ASS1: variants seen among roughly 807,000 people sequenced by gnomAD.
The protein encoded by ASS1 is argininosuccinate synthase 1.
ASS1 carries 58 observed loss-of-function variants against 60.5 expected under a neutral mutation model. The ratio of observed to expected loss-of-function variants is 0.96; its 90% CI spans 0.78 to 1.19. ASS1 has a LOEUF of 1.19. Among genes scored for constraint, ASS1 ranks in the 50% most tolerant of loss-of-function variants. The pLI is 0.00. For missense variants in ASS1, 454 were observed against 547.3 expected (o/e 0.83, Z 1.70); for synonymous variants, 200 against 206.9 (o/e 0.97, Z 0.29).
intron 4 of ASS1, 141 bp downstream of exon 4, chr9:130,458,730 C>A: frequency 8.3e-7 from 1 of 1,204,402 alleles, no homozygotes; most frequent in Middle Eastern, 2.8e-4. Context: ...TGTTTAGACC[C>A]CAATGAGAGG....
In ASS1 at chr9:130,477,948, G is replaced by A. The variant is rs994018966; in HGVS notation, c.688+987G>A. On this transcript the variant is annotated intron_variant, in intron 9 of 14. Transcript: ENST00000352480. This position sits in a 1 kb window ranked among gnomAD's most constrained non-coding sequence, Gnocchi z 4.2. ...GGATAGGGTGGGGAAGCCTCAGGCC[G>A]GTGGGGAGGCAGAGCTGCAGATCCC... Among the ~76,000 whole-genome samples, 3 of 152,044 alleles carry A rather than the reference G, an allele frequency of 2.0e-5. No individual in the cohort carries two copies. The highest frequency in any genetic ancestry group is 4.1e-4 in the South Asian group (2 of 4,822).
At chr9:130,482,520 C>G (rs1016521984) in intron 11 of ASS1, among the ~76,000 whole-genome samples, 1 of 151,716 alleles carries the variant, frequency 6.6e-6, no homozygotes, top group African/African-American at 2.4e-5. Flanking sequence ...AAGTGTATTG[C>G]CTTCCCTATT....
At position 130,458,656 on chromosome 9, in the gene ASS1, A is replaced by C. The variant is rs187987171; in HGVS notation, c.363+67A>C. ...GGAGGGGTGTGGGAAGGAGATGAGC[A>C]CCCCTCGAGCGGTTTCCTGGTGTGC... On this transcript the variant is annotated intron_variant, in intron 4 of 14. Coordinates refer to ENST00000352480, the MANE Select transcript of ASS1 (RefSeq NM_054012.4). The C allele has an allele frequency of 4.6e-3, 7,120 of 1,562,424 alleles. 25 individuals are homozygous for C. The highest frequency in any genetic ancestry group is 5.6e-3 in the Non-Finnish European group (6,423 of 1,152,526).
At chr9:130,471,628 C>A in intron 8 of ASS1, 113 bp downstream of exon 8, 2 of 1,359,448 alleles carry the variant, frequency 1.5e-6, no homozygotes, top group South Asian at 2.4e-5. Flanking sequence ...GGGGGCCAGC[C>A]GTGGGGCTGG....
rs781033455 is a variant in ASS1, at chr9:130,447,085, G to A, written c.-6+2090G>A. On this transcript the variant is annotated intron_variant, in intron 1 of 14. Coordinates refer to ENST00000352480, the MANE Select transcript of ASS1 (RefSeq NM_054012.4). ...TTGCAGGGGAATCTTCCACGGGGCA[G>A]TAGGCCTGAGCTATAGCACACAGGC... Among the ~76,000 whole-genome samples, 8 of 152,382 alleles carry A rather than the reference G, an allele frequency of 5.2e-5. No homozygotes were observed. In the South Asian group the frequency reaches 1.7e-3, roughly 32 times the overall value.
chr9:130,474,074 C>G lies in ASS1; in HGVS notation c.597+2559C>G, dbSNP rs77170031. ...TTCCCTCCCCCGCACCCCCCCCCCC[C>G]CACAGATGACATTGGAAGTGAGCCC... On this transcript the variant is annotated intron_variant, in intron 8 of 14. Transcript: ENST00000352480. Among the ~76,000 whole-genome samples, 4 of 100,058 alleles carry G rather than the reference C, an allele frequency of 4.0e-5. 1 individual carries two copies. The highest frequency in any genetic ancestry group is 7.5e-5 in the African/African-American group (2 of 26,748). 65.6% of individuals were successfully genotyped at this position (100,058 alleles called of 152,430 possible).
At chr9:130,457,470 C>G (rs954704001) in intron 3 of ASS1, among the ~76,000 whole-genome samples, 8 of 151,286 alleles carry the variant, frequency 5.3e-5, no homozygotes, top group Admixed American at 4.6e-4. Flanking sequence ...GACCCTGTCT[C>G]AAAAAAACAA....
In ASS1 at chr9:130,498,711, G is replaced by A. The variant is rs565511485; in HGVS notation, c.1128-794G>A. Among the ~76,000 whole-genome samples the A allele has an allele frequency of 4.6e-5, 7 of 152,292 alleles. No individual in the cohort carries two copies. In the South Asian group the frequency reaches 6.2e-4, roughly 14 times the overall value. ...TTCACAAGTGCAAGGCTGAGGCTCC[G>A]AGTGCAGGAATACTGGCCTGGGCTC... On this transcript the variant is annotated intron_variant, in intron 13 of 14. Transcript: ENST00000352480.
rs1254028577 is a variant in ASS1 at position 130,499,467 on chromosome 9, G to C, written c.1128-38G>C. ...AGTCCTCCCTTCAAGCAGAGGCCAG[G>C]GCCAGGCTGAGCTGACAAGCTTCTA... is the stretch of plus-strand genomic sequence containing the variant. On this transcript the variant is annotated intron_variant, in intron 13 of 14. Transcript: ENST00000352480. The C allele has an allele frequency of 3.1e-6, 5 of 1,605,254 alleles. No homozygotes were observed. In the Admixed American group the frequency reaches 5.1e-5, roughly 16 times the overall value.
chr9:130,500,503 C>T (rs1180363657), intron 14 of ASS1, among the ~76,000 whole-genome samples: 1 of 152,100 alleles, frequency 6.6e-6, no homozygotes, highest in Non-Finnish European at 1.5e-5. Context: ...GCCCTGGGCA[C>T]AGAGCCATCA....
At chr9:130,490,848 C>T (rs1414952606) in intron 12 of ASS1, among the ~76,000 whole-genome samples, 1 of 152,172 alleles carries the variant, frequency 6.6e-6, no homozygotes, top group East Asian at 1.9e-4. Flanking sequence ...CACCCACCTC[C>T]ATAACATACA....
At chr9:130,499,480 TGAC>T in intron 13 of ASS1, 22 bp from the exon 14 acceptor site, 1 of 1,611,642 alleles carries the variant, frequency 6.2e-7, no homozygotes, top group Non-Finnish European at 8.5e-7. Context: ...CAGGCTGAGC[TGAC>T]AAGCTTCTAC....
At chr9:130,463,162 G>A (rs922230561) in intron 4 of ASS1, among the ~76,000 whole-genome samples, 1 of 152,254 alleles carries the variant, frequency 6.6e-6, no homozygotes, top group Non-Finnish European at 1.5e-5. Context: ...CTGCCTGGCT[G>A]CGCCCATGCA....
intron 10 of ASS1, 56 bp downstream of exon 10, chr9:130,479,856 G>C (rs372860012): frequency 2.6e-6 from 4 of 1,542,926 alleles, no homozygotes; most frequent in Non-Finnish European, 3.6e-6. Context: ...GGGCGAGCAC[G>C]AGCCTGGACC....
intron 4 of ASS1, among the ~76,000 whole-genome samples, chr9:130,462,171 G>C (rs1845612412): frequency 6.6e-6 from 1 of 152,158 alleles, no homozygotes; most frequent in East Asian, 1.9e-4. Context: ...TTTGGAAGAG[G>C]GGCCTGGAAA....
intron 5 of ASS1, among the ~76,000 whole-genome samples, chr9:130,465,545 A>T (rs995580654): frequency 6.6e-6 from 1 of 152,232 alleles, no homozygotes; most frequent in Non-Finnish European, 1.5e-5. Context: ...GGTGCTCTGA[A>T]TGGCCACCCG....
chr9:130,450,923 C>T (rs527542992), intron 1 of ASS1, among the ~76,000 whole-genome samples: 2 of 152,300 alleles, frequency 1.3e-5, no homozygotes, highest in African/African-American at 4.8e-5. Context: ...ACAAACATGC[C>T]CTGTACATTT....
chr9:130,447,391 C>T (rs937797314), intron 1 of ASS1, among the ~76,000 whole-genome samples: 2 of 152,254 alleles, frequency 1.3e-5, no homozygotes, highest in Non-Finnish European at 2.9e-5. Context: ...AGTAGCCGCT[C>T]TTGTTGTCAT....
Position 130,478,185 on chromosome 9 carries a change from C to T in ASS1, c.688+1224C>T, listed in dbSNP as rs563962254. On this transcript the variant is annotated intron_variant, in intron 9 of 14. Coordinates refer to ENST00000352480, the MANE Select transcript of ASS1 (RefSeq NM_054012.4). This position sits in a 1 kb window ranked among gnomAD's most constrained non-coding sequence, Gnocchi z 4.7. ...AGCCAGCGACTGTCTTCCTTGCTCCCCTTCATCTGTCCCAACCTACTGGGG... is the reference window on the plus strand; with the variant it reads ...AGCCAGCGACTGTCTTCCTTGCTCCTCTTCATCTGTCCCAACCTACTGGGG... Among the ~76,000 whole-genome samples, 14 of 152,358 alleles carry T rather than the reference C, an allele frequency of 9.2e-5. No individual in the cohort carries two copies. In the South Asian group the frequency reaches 2.5e-3, roughly 27 times the overall value.
Sources: gnomAD v4.1 joint callset for allele counts (sites outside exome capture counted in the v4.1 genomes callset) on GRCh38, gnomAD v4.1.1 for gene constraint, Gnocchi (gnomAD v3.1) non-coding constraint, MANE v1.5 for transcripts, NCBI Gene and HGNC (gene_info 2026-07-23, HGNC 2026-07-21) for gene names.